GNB1: variants seen among roughly 807,000 people sequenced by gnomAD.
GNB1 encodes the protein guanine nucleotide-binding protein G(I)/G(S)/G(T) subunit beta-1.
In GNB1, 2 loss-of-function variants were observed where a neutral mutation model predicts 42.9. That is an observed-to-expected ratio of 0.05 (90% CI 0.02 to 0.15). GNB1 has a LOEUF of 0.15. GNB1 is among the 10% of genes least tolerant of loss of function. GNB1 has a pLI of 1.00. For synonymous variants in GNB1, 183 were observed against 174.7 expected (o/e 1.05, Z -0.38); for missense variants, 193 against 462.2 (o/e 0.42, Z 5.34).
At chr1:1,820,624 T>G (rs1326507511) in intron 3 of GNB1, among the ~76,000 whole-genome samples, 1 of 152,208 alleles carries the variant, frequency 6.6e-6, no homozygotes, top group Admixed American at 6.6e-5. Context: ...AATACTATTC[T>G]TGTTGATGTT....
intron 1 of GNB1, among the ~76,000 whole-genome samples, chr1:1,889,570 G>A (rs749087684): frequency 6.6e-6 from 1 of 151,944 alleles, no homozygotes; most frequent in Non-Finnish European, 1.5e-5. Context: ...CCAGCACTTT[G>A]GGAGGCTGAG....
intron 1 of GNB1, among the ~76,000 whole-genome samples, chr1:1,844,480 T>C (rs1029714729): frequency 1.1e-4 from 16 of 152,118 alleles, no homozygotes; most frequent in Admixed American, 9.8e-4. Context: ...CAATATTAAA[T>C]ATTAATATGA....
At chr1:1,868,599 G>A (rs1260756748) in intron 1 of GNB1, among the ~76,000 whole-genome samples, 2 of 152,024 alleles carry the variant, frequency 1.3e-5, no homozygotes, top group Non-Finnish European at 2.9e-5. Context: ...TAGCCAAGAT[G>A]GTGAAACCCC....
At chr1:1,830,535 C>T (rs1449821799) in intron 2 of GNB1, among the ~76,000 whole-genome samples, 1 of 152,038 alleles carries the variant, frequency 6.6e-6, no homozygotes, top group African/African-American at 2.4e-5. Flanking sequence ...AAGAGTGAGC[C>T]ACCGCGCCCA....
chr1:1,788,848 T>G, intron 10 of GNB1: 16 of 533,250 alleles, frequency 3.0e-5, no homozygotes, highest in East Asian at 6.4e-5. Context: ...CCCCGACGCA[T>G]GTGGGAAGAT....
intron 3 of GNB1, among the ~76,000 whole-genome samples, chr1:1,821,842 T>C (rs1325831632): frequency 6.6e-6 from 1 of 152,206 alleles, no homozygotes; most frequent in African/African-American, 2.4e-5. Context: ...TATACTGCCT[T>C]AGATAAAATT....
chr1:1,853,712 C>T (rs1473956633), intron 1 of GNB1, among the ~76,000 whole-genome samples: 1 of 152,090 alleles, frequency 6.6e-6, no homozygotes, highest in African/African-American at 2.4e-5. Context: ...ACTATGTCTT[C>T]AGGCTATTTA....
chr1:1,855,152 G>GT (rs1648201930), intron 1 of GNB1, among the ~76,000 whole-genome samples: 1 of 76,234 alleles, frequency 1.3e-5, no homozygotes. Flanking sequence ...GAGCAAGACC[G>GT]TATCTCAAAA....
intron 5 of GNB1, among the ~76,000 whole-genome samples, chr1:1,807,545 C>T (rs76117314): frequency 7.0e-6 from 1 of 143,008 alleles, no homozygotes; most frequent in Admixed American, 7.1e-5. Context: ...TGAAACATTT[C>T]TCACCCAAAA....
chr1:1,867,766 A>G lies in GNB1; in HGVS notation c.-96+23054T>C, dbSNP rs143574991. On this transcript the variant is annotated intron_variant, in intron 1 of 11. Transcript: ENST00000378609. Reference sequence around the variant, plus strand: ...AGATATGTTCCGAATGCTTAAGCAGATATCTTTTCATAGCTTATAGCCTTA... The same window carrying G: ...AGATATGTTCCGAATGCTTAAGCAGGTATCTTTTCATAGCTTATAGCCTTA... Among the ~76,000 whole-genome samples, 323 of 152,322 alleles carry G rather than the reference A, an allele frequency of 2.1e-3. 10 individuals carry two copies. The highest frequency in any genetic ancestry group is 0.018 in the Admixed American group (272 of 15,292).
chr1:1,806,434 C>T (rs781140490), intron 6 of GNB1, 41 bp downstream of exon 6: 1 of 1,198,776 alleles, frequency 8.3e-7, no homozygotes. Flanking sequence ...ACCCTGTTTC[C>T]TGGGTTGGTT....
chr1:1,837,529 C>T (rs1438502555), intron 2 of GNB1, among the ~76,000 whole-genome samples: 1 of 150,834 alleles, frequency 6.6e-6, no homozygotes, highest in African/African-American at 2.4e-5. Context: ...GCTGGGATTA[C>T]AGGCGTGAGC....
At chr1:1,866,886 G>A (rs911299980) in intron 1 of GNB1, among the ~76,000 whole-genome samples, 1 of 151,618 alleles carries the variant, frequency 6.6e-6, no homozygotes, top group Non-Finnish European at 1.5e-5. Flanking sequence ...CCCGGGAGGC[G>A]GAGCTTGCAG....
At chr1:1,823,500 AT>A (rs1161229093) in intron 3 of GNB1, among the ~76,000 whole-genome samples, 1 of 152,168 alleles carries the variant, frequency 6.6e-6, no homozygotes, top group Non-Finnish European at 1.5e-5. Flanking sequence ...TCAGAGAATA[AT>A]TTTATATCAA....
In GNB1 at chr1:1,785,875, T is replaced by C. The variant is rs758476146; in HGVS notation, c.*1188A>G. 1 of 397,652 alleles carries C rather than the reference T, an allele frequency of 2.5e-6. No individual in the cohort carries two copies. The highest frequency in any genetic ancestry group is 2.1e-5 in the African/African-American group (1 of 48,380). The allele number at this position is 397,652 out of a possible 1,614,324, so 24.6% of individuals were successfully genotyped here. On this transcript the variant is annotated 3_prime_UTR_variant, in exon 12 of 12. Coordinates refer to ENST00000378609, the MANE Select transcript of GNB1 (RefSeq NM_002074.5). ...CCCAAGCGTGTAGAGCCGCGCGCTG[T>C]ACTGCTTCCGATATGTGCCACAGAG...
rs1277090801 is a variant in GNB1 at position 1,804,004 on chromosome 1, GA to G, written c.430+414del. ...CTTTAAAAAAAAAAAAAAAAAAAAA[GA>G]AAAAAAGGCTGGGTGTGGTGGCTCA... is the stretch of plus-strand genomic sequence containing the variant. On this transcript the variant is annotated intron_variant, in intron 7 of 11. Coordinates refer to ENST00000378609, the MANE Select transcript of GNB1 (RefSeq NM_002074.5). Among the ~76,000 whole-genome samples the G allele has an allele frequency of 3.2e-4, 5 of 15,780 alleles. No homozygotes were observed. The East Asian group carries it at 8.2e-3, about 26-fold the overall frequency. 10.4% of individuals were successfully genotyped at this position (15,780 alleles called of 152,430 possible). A position where few individuals can be genotyped will look rare whatever the true frequency, so the allele number is the denominator to read the frequency against.
rs1441074150 is a variant in GNB1, at chr1:1,855,871, T to G, written c.-95-16633A>C. ...ATAGTGTCTACAGAACTAGATGCTA[T>G]GACCTTCTTAACCTAAGAGTGAAGT... is the stretch of plus-strand genomic sequence containing the variant. On this transcript the variant is annotated intron_variant, in intron 1 of 11. Transcript: ENST00000378609. 5.3e-5 allele frequency among the ~76,000 whole-genome samples: 8 copies of G among 152,246 alleles called. 1 individual carries two copies. The highest frequency in any genetic ancestry group is 5.2e-4 in the Admixed American group (8 of 15,290).
At chr1:1,789,311 G>T in intron 9 of GNB1, 42 bp from the exon 10 acceptor site, 1 of 1,132,784 alleles carries the variant, frequency 8.8e-7, no homozygotes, top group Non-Finnish European at 1.3e-6. Context: ...TAAACGCTCA[G>T]AAAGAAACAT....
chr1:1,875,174 G>C (rs187650478), intron 1 of GNB1, among the ~76,000 whole-genome samples: 169 of 151,964 alleles, frequency 1.1e-3, no homozygotes, highest in African/African-American at 3.7e-3. Context: ...CCCATGCTTA[G>C]AAGACATTTT....
Sources: gnomAD v4.1 joint callset for allele counts (sites outside exome capture counted in the v4.1 genomes callset) on GRCh38, gnomAD v4.1.1 for gene constraint, MANE v1.5 for transcripts, NCBI Gene and HGNC (gene_info 2026-07-23, HGNC 2026-07-21) for gene names.